CDH12: variants seen among roughly 807,000 people sequenced by gnomAD.
The protein encoded by CDH12 is cadherin 12.
In CDH12, 41 loss-of-function variants were observed where a neutral mutation model predicts 74.1. The ratio of observed to expected loss-of-function variants is 0.55; its 90% CI spans 0.43 to 0.72. The LOEUF (loss-of-function observed/expected upper bound fraction) is 0.72, where lower values mean the gene tolerates loss of function less well. Ranked by LOEUF, CDH12 falls within the 30% of genes least tolerant of loss-of-function variation. CDH12 has a pLI of 0.00. For missense variants in CDH12, 945 were observed against 977.2 expected, an observed-to-expected ratio of 0.97 and a Z score of 0.44; for synonymous variants, 399 against 355.0, an observed-to-expected ratio of 1.12 and a Z score of -1.39.
At chr5:22,046,615 C>T (rs1000184509) in intron 5 of CDH12, among the ~76,000 whole-genome samples, 2 of 151,680 alleles carry the variant, frequency 1.3e-5, no homozygotes, top group African/African-American at 4.8e-5. Context: ...AAAATATTAC[C>T]TTCCAGAGAA....
At chr5:22,124,614 T>C (rs945198284) in intron 4 of CDH12, among the ~76,000 whole-genome samples, 1 of 152,242 alleles carries the variant, frequency 6.6e-6, no homozygotes, top group African/African-American at 2.4e-5. Flanking sequence ...AGTGCCTTTT[T>C]CCTCTTTATG....
intron 3 of CDH12, among the ~76,000 whole-genome samples, chr5:22,367,050 T>C (rs1295882633): frequency 2.0e-5 from 3 of 152,262 alleles, no homozygotes; most frequent in African/African-American, 7.2e-5. Flanking sequence ...GCAAAAAATA[T>C]GTTAAATAAC....
intron 4 of CDH12, among the ~76,000 whole-genome samples, chr5:22,153,994 A>T (rs1747828146): frequency 6.7e-6 from 1 of 148,710 alleles, no homozygotes; most frequent in East Asian, 2.0e-4. Context: ...ATATATATGT[A>T]TATATATGTA....
chr5:22,602,884 A>G (rs1736916764), intron 1 of CDH12, among the ~76,000 whole-genome samples: 1 of 152,186 alleles, frequency 6.6e-6, no homozygotes, highest in African/African-American at 2.4e-5. Flanking sequence ...GCCAATCAAA[A>G]AGGGAAAATG....
chr5:22,533,123 G>T (rs533737363), intron 1 of CDH12, among the ~76,000 whole-genome samples: 1 of 151,846 alleles, frequency 6.6e-6, no homozygotes, highest in South Asian at 2.1e-4. Flanking sequence ...TCATCCATTG[G>T]CTGTTTTTCT....
intron 1 of CDH12, among the ~76,000 whole-genome samples, chr5:22,556,054 AT>A (rs1388016015): frequency 2.8e-5 from 4 of 145,442 alleles, no homozygotes; most frequent in Admixed American, 7.8e-5. Flanking sequence ...ATCTCTGAGA[AT>A]TTAAAAAAAA....
intron 6 of CDH12, among the ~76,000 whole-genome samples, chr5:21,918,724 T>C (rs1163180857): frequency 6.6e-6 from 1 of 152,166 alleles, no homozygotes; most frequent in Non-Finnish European, 1.5e-5. Context: ...ATGGTGATTA[T>C]GGAGATTATA....
intron 3 of CDH12, among the ~76,000 whole-genome samples, chr5:22,220,516 A>T (rs1751976780): frequency 1.3e-5 from 2 of 151,010 alleles, no homozygotes; most frequent in African/African-American, 4.9e-5. Flanking sequence ...GAGAAACTAA[A>T]TTTTTTTTTC....
intron 3 of CDH12, among the ~76,000 whole-genome samples, chr5:22,394,238 GA>G (rs1365045661): frequency 5.9e-5 from 9 of 151,754 alleles, no homozygotes; most frequent in Admixed American, 5.9e-4. Flanking sequence ...TTATCCAGAG[GA>G]AAAAAAATCT....
At chr5:22,706,612 T>C (rs1045626444) in intron 1 of CDH12, among the ~76,000 whole-genome samples, 4 of 152,090 alleles carry the variant, frequency 2.6e-5, no homozygotes, top group Non-Finnish European at 5.9e-5. Flanking sequence ...GTATATAATA[T>C]TTAACTATTT....
At chr5:21,753,267 T>C (rs1268969263) in intron 14 of CDH12, among the ~76,000 whole-genome samples, 4 of 152,156 alleles carry the variant, frequency 2.6e-5, no homozygotes, top group African/African-American at 9.7e-5. Flanking sequence ...TCTCTCTTCC[T>C]CCAAAATTAG....
intron 1 of CDH12, among the ~76,000 whole-genome samples, chr5:22,733,474 G>A (rs1744535949): frequency 6.9e-6 from 1 of 145,620 alleles, no homozygotes; most frequent in African/African-American, 2.5e-5. Context: ...TTCATTTTAT[G>A]TGTCATACTG....
intron 4 of CDH12, among the ~76,000 whole-genome samples, chr5:22,142,195 A>C (rs2150299099): frequency 6.6e-6 from 1 of 152,246 alleles, no homozygotes; most frequent in East Asian, 1.9e-4. Context: ...GTTGAATATA[A>C]ACAGAAGATA....
Position 22,080,080 on chromosome 5 carries a change from T to A in CDH12, c.-186-1218A>T, listed in dbSNP as rs555764647. On this transcript the variant is annotated intron_variant, in intron 4 of 14. Transcript: ENST00000382254. ...TATGCATTTGGCACTAGGGTCACAG[T>A]GCTTCGAGCCTATAAGGTTTCTAAA... Among the ~76,000 whole-genome samples the A allele has an allele frequency of 1.3e-4, 20 of 152,298 alleles. No individual in the cohort carries two copies. The East Asian group carries it at 3.7e-3, about 28-fold the overall frequency.
At chr5:22,305,973 C>G (rs893906367) in intron 3 of CDH12, among the ~76,000 whole-genome samples, 3 of 152,060 alleles carry the variant, frequency 2.0e-5, no homozygotes, top group Non-Finnish European at 4.4e-5. Context: ...TTCTCCCTGC[C>G]TCCTAGATAA....
At chr5:22,119,357 C>G (rs1337732166) in intron 4 of CDH12, among the ~76,000 whole-genome samples, 1 of 138,838 alleles carries the variant, frequency 7.2e-6, no homozygotes, top group Non-Finnish European at 1.5e-5. Context: ...GTGGCCTGAT[C>G]TCGGCTTACT....
intron 6 of CDH12, among the ~76,000 whole-genome samples, chr5:21,937,357 A>G (rs1414334994): frequency 1.3e-5 from 2 of 152,174 alleles, no homozygotes; most frequent in African/African-American, 4.8e-5. Context: ...AATGAATGAG[A>G]TTACAGCCAG....
At chr5:22,243,754 A>G (rs1257817440) in intron 3 of CDH12, among the ~76,000 whole-genome samples, 1 of 152,180 alleles carries the variant, frequency 6.6e-6, no homozygotes, top group Non-Finnish European at 1.5e-5. Flanking sequence ...GAGGAACGAA[A>G]TCCTGACACT....
chr5:22,144,864 T>C (rs1172369919), intron 4 of CDH12, among the ~76,000 whole-genome samples: 2 of 152,140 alleles, frequency 1.3e-5, no homozygotes, highest in Non-Finnish European at 2.9e-5. Flanking sequence ...AATACGCATG[T>C]TGTAAAATTT....
Sources: allele counts gnomAD v4.1 joint callset (sites outside exome capture counted in the v4.1 genomes callset), GRCh38; gene constraint gnomAD v4.1.1; transcripts MANE v1.5; gene names NCBI Gene and HGNC (gene_info 2026-07-23, HGNC 2026-07-21).